MAP2: variants seen among roughly 807,000 people sequenced by gnomAD.
The protein encoded by MAP2 is microtubule associated protein 2.
MAP2 carries 14 observed loss-of-function variants against 137.6 expected under a neutral mutation model. That is an observed-to-expected ratio of 0.10 (90% CI 0.07 to 0.16). The LOEUF (loss-of-function observed/expected upper bound fraction) is 0.16. Among genes scored for constraint, MAP2 ranks in the 10% least tolerant of loss-of-function variants. The pLI is 1.00. For missense variants in MAP2, 2,088 were observed against 2,191.5 expected, an observed-to-expected ratio of 0.95 and a Z score of 0.94; for synonymous variants, 786 against 782.3, an observed-to-expected ratio of 1.00 and a Z score of -0.08.
intron 2 of MAP2, among the ~76,000 whole-genome samples, chr2:209,555,243 G>T (rs2070280875): frequency 1.3e-5 from 2 of 152,060 alleles, no homozygotes; most frequent in Admixed American, 1.3e-4. Flanking sequence ...AACTATGGAG[G>T]TTTATTTGGT....
At chr2:209,656,199 G>C (rs1196197224) in intron 5 of MAP2, among the ~76,000 whole-genome samples, 1 of 152,042 alleles carries the variant, frequency 6.6e-6, no homozygotes, top group African/African-American at 2.4e-5. Flanking sequence ...GGGTGGGAGA[G>C]TGGAGAATAT....
At chr2:209,436,024 A>ATATATACAGTGTATATTATATAT (rs1187754273) in intron 1 of MAP2, among the ~76,000 whole-genome samples, 1 of 123,086 alleles carries the variant, frequency 8.1e-6, no homozygotes, top group Non-Finnish European at 1.8e-5. Flanking sequence ...ATTATATATA[A>ATATATACAGTGTATATTATATAT]AATATATATA....
At chr2:209,625,463 A>G (rs1161781104) in intron 4 of MAP2, among the ~76,000 whole-genome samples, 2 of 152,194 alleles carry the variant, frequency 1.3e-5, no homozygotes, top group African/African-American at 2.4e-5. Context: ...ATGATCCTAC[A>G]TGACTTAATT....
intron 5 of MAP2, among the ~76,000 whole-genome samples, chr2:209,663,358 C>T (rs544628894): frequency 1.3e-5 from 2 of 152,192 alleles, no homozygotes; most frequent in South Asian, 4.1e-4. Context: ...GACCTGGCAT[C>T]GTGAGTCCTG....
At chr2:209,549,289 C>G (rs2068692929) in intron 2 of MAP2, among the ~76,000 whole-genome samples, 2 of 152,158 alleles carry the variant, frequency 1.3e-5, no homozygotes, top group Non-Finnish European at 2.9e-5. Flanking sequence ...TACCATGCCT[C>G]TCTTTCACAG....
At chr2:209,627,243 A>G (rs1328874759) in intron 4 of MAP2, among the ~76,000 whole-genome samples, 1 of 152,208 alleles carries the variant, frequency 6.6e-6, no homozygotes, top group Non-Finnish European at 1.5e-5. Context: ...ACTAAAAAAG[A>G]AATTTTTTTT....
intron 4 of MAP2, among the ~76,000 whole-genome samples, chr2:209,641,914 G>T (rs2094060999): frequency 6.6e-6 from 1 of 152,048 alleles, no homozygotes; most frequent in South Asian, 2.1e-4. Flanking sequence ...AATCGAGCAG[G>T]TTTACAAAGT....
chr2:209,676,320 A>G (rs1481028545), intron 5 of MAP2, among the ~76,000 whole-genome samples: 1 of 151,934 alleles, frequency 6.6e-6, no homozygotes, highest in Non-Finnish European at 1.5e-5. Context: ...TATAAGTGGG[A>G]GCTAAATGAT....
intron 13 of MAP2, 61 bp from the exon 14 acceptor site, chr2:209,725,648 T>G: frequency 4.6e-6 from 5 of 1,088,998 alleles, no homozygotes; most frequent in Non-Finnish European, 4.0e-6. Context: ...ATCTTATGTA[T>G]GAGCTTGGGT....
intron 5 of MAP2, among the ~76,000 whole-genome samples, chr2:209,664,540 C>A (rs2045332031): frequency 6.6e-6 from 1 of 151,628 alleles, no homozygotes. Context: ...CAGAGTGAGA[C>A]CCTGTCTCAA....
intron 2 of MAP2, among the ~76,000 whole-genome samples, chr2:209,553,729 C>T (rs962246421): frequency 2.6e-5 from 4 of 152,102 alleles, no homozygotes; most frequent in African/African-American, 9.7e-5. Flanking sequence ...TTTAATTTGT[C>T]CTCATCCCTA....
At chr2:209,641,629 A>G (rs1034017271) in intron 4 of MAP2, among the ~76,000 whole-genome samples, 86 of 151,412 alleles carry the variant, frequency 5.7e-4, no homozygotes, top group African/African-American at 1.9e-3. Flanking sequence ...CTTATTCCAC[A>G]ATATCTCCAG....
At chr2:209,681,024 G>T (rs561184419) in intron 7 of MAP2, among the ~76,000 whole-genome samples, 197 bp downstream of exon 7, 1 of 151,966 alleles carries the variant, frequency 6.6e-6, no homozygotes, top group African/African-American at 2.4e-5. Context: ...AGAGGAATTT[G>T]GTAAATAAAA....
intron 13 of MAP2, 126 bp downstream of exon 13, chr2:209,710,380 TAA>T (rs2065012503): frequency 1.2e-6 from 1 of 829,782 alleles, no homozygotes. Flanking sequence ...AATTTATTGC[TAA>T]GAGTTTGGAC....
intron 7 of MAP2, 73 bp from the exon 8 acceptor site, chr2:209,692,552 A>G (rs2059214770): frequency 6.8e-7 from 1 of 1,475,504 alleles, no homozygotes; most frequent in Non-Finnish European, 9.0e-7. Context: ...TATCACTTCA[A>G]AATATAATTT....
chr2:209,451,608 G>A lies in MAP2; in HGVS notation c.-222+27332G>A, dbSNP rs936780692. 1.6e-4 allele frequency among the ~76,000 whole-genome samples: 24 copies of A among 152,038 alleles called. 1 individual carries two copies. The highest frequency in any genetic ancestry group is 2.1e-4 in the South Asian group (1 of 4,818). The stretch of plus-strand genomic sequence containing the variant: ...CTCCTTGGTTTCCGTAACCTTATCC[G>A]TAGCTCTTTATGAGAGATCCCTTCA... On this transcript the variant is annotated intron_variant, in intron 1 of 15. Coordinates refer to ENST00000682079, the MANE Select transcript of MAP2 (RefSeq NM_001375505.1).
rs575575885 is a variant in MAP2, at chr2:209,730,536, A to G, written c.*139A>G. On this transcript the variant is annotated 3_prime_UTR_variant, in exon 16 of 16. Coordinates refer to ENST00000682079, the MANE Select transcript of MAP2 (RefSeq NM_001375505.1). ...TCCCCAAACTGTAGTAATTGTTACAATTTTCTATTTAAAAAATGAATAGTA... is the reference window on the plus strand; with the variant it reads ...TCCCCAAACTGTAGTAATTGTTACAGTTTTCTATTTAAAAAATGAATAGTA... 1.4e-5 allele frequency: 9 copies of G among 658,516 alleles called. No individual in the cohort carries two copies. The highest frequency in any genetic ancestry group is 8.2e-5 in the East Asian group (3 of 36,430). 40.8% of individuals were successfully genotyped at this position (658,516 alleles called of 1,614,324 possible).
At chr2:209,708,834 T>C (rs1211163350) in intron 12 of MAP2, among the ~76,000 whole-genome samples, 12 of 152,170 alleles carry the variant, frequency 7.9e-5, no homozygotes, top group Admixed American at 7.9e-4. Flanking sequence ...TAGACGTTAG[T>C]AGCATCTGGG....
rs903379503 is a variant in MAP2 at position 209,440,941 on chromosome 2, T to A, written c.-222+16665T>A. On this transcript the variant is annotated intron_variant, in intron 1 of 15. Coordinates refer to ENST00000682079, the MANE Select transcript of MAP2 (RefSeq NM_001375505.1). Reference sequence around the variant, plus strand: ...TAAACAGACTATAAATAAGTGCTTATCATATCACTAATTTACATTTTTAAA... The same window carrying A: ...TAAACAGACTATAAATAAGTGCTTAACATATCACTAATTTACATTTTTAAA... Among the ~76,000 whole-genome samples, 6 of 151,644 alleles carry A rather than the reference T, an allele frequency of 4.0e-5. No individual in the cohort carries two copies. The South Asian group carries it at 1.2e-3, about 31-fold the overall frequency.
Sources: gnomAD v4.1 joint callset for allele counts (sites outside exome capture counted in the v4.1 genomes callset) on GRCh38, gnomAD v4.1.1 for gene constraint, MANE v1.5 for transcripts, NCBI Gene and HGNC (gene_info 2026-07-23, HGNC 2026-07-21) for gene names.